SMARCA5: variants seen among roughly 807,000 people sequenced by gnomAD.
SMARCA5 encodes the protein SWI/SNF-related matrix-associated actin-dependent regulator of chromatin subfamily A member 5.
SMARCA5 carries 18 observed loss-of-function variants against 140.4 expected under a neutral mutation model. The ratio of observed to expected loss-of-function variants is 0.13; its 90% CI spans 0.09 to 0.19. The LOEUF (loss-of-function observed/expected upper bound fraction) is 0.19. Among genes scored for constraint, SMARCA5 ranks in the 10% least tolerant of loss-of-function variants. SMARCA5 has a pLI of 1.00. For missense variants in SMARCA5, 606 were observed against 1,276.8 expected (o/e 0.47, Z 8.01); for synonymous variants, 449 against 419.6 (o/e 1.07, Z -0.86).
Position 143,536,444 on chromosome 4 carries a change from T to C in SMARCA5, c.1269-8T>C. 1 of 1,594,188 alleles carries C rather than the reference T, an allele frequency of 6.3e-7. No individual in the cohort carries two copies. Among genetic ancestry groups the C allele is most frequent in the African/African-American group, 1.3e-5 (1 of 74,552 alleles). On this transcript the variant is annotated splice_region_variant and splice_polypyrimidine_tract_variant and intron_variant, in intron 10 of 23. Coordinates refer to ENST00000283131, the MANE Select transcript of SMARCA5 (RefSeq NM_003601.4). The stretch of plus-strand genomic sequence containing the variant: ...TGAGCTCTAAAAATGTTTTTCTTCT[T>C]TGAATAGGTATACTCGGATATTAAT...
At chr4:143,533,447 T>G (rs181637381) in intron 9 of SMARCA5, among the ~76,000 whole-genome samples, 97 of 152,112 alleles carry the variant, frequency 6.4e-4, no homozygotes, top group Middle Eastern at 3.5e-3. Context: ...AGTTAGTACA[T>G]TAAGTTTAAA....
rs977007280 is a variant in SMARCA5 at position 143,536,750 on chromosome 4, T to G, written c.1495+72T>G. ...ATGTTAAAACAAAGGAGCACTGTAC[T>G]TTGAAATGACTGCTCTGATGCTTTC... On this transcript the variant is annotated intron_variant, in intron 11 of 23. Transcript: ENST00000283131. 4 of 1,056,298 alleles carry G rather than the reference T, an allele frequency of 3.8e-6. No individual in the cohort carries two copies. In the African/African-American group the frequency reaches 6.3e-5, roughly 17 times the overall value. 65.4% of individuals were successfully genotyped at this position (1,056,298 alleles called of 1,614,324 possible). A position where few individuals can be genotyped will look rare whatever the true frequency, so the allele number is the denominator to read the frequency against.
intron 20 of SMARCA5, 134 bp from the exon 21 acceptor site, chr4:143,547,251 G>A: frequency 1.7e-6 from 1 of 586,472 alleles, no homozygotes; most frequent in East Asian, 2.9e-5. Context: ...ACATGTGAGG[G>A]TATGCTGTGG....
At chr4:143,547,160 T>C (rs1737541370) in intron 20 of SMARCA5, among the ~76,000 whole-genome samples, 1 of 152,158 alleles carries the variant, frequency 6.6e-6, no homozygotes, top group Admixed American at 6.5e-5. Context: ...ATAATTGCCC[T>C]TGCATTTTTA....
At chr4:143,547,004 C>G (rs1169398350) in intron 20 of SMARCA5, 96 bp downstream of exon 20, 3 of 1,194,994 alleles carry the variant, frequency 2.5e-6, no homozygotes, top group Non-Finnish European at 2.4e-6. Context: ...CTAATTTTGT[C>G]ACAGTGTAGT....
rs759962281 is a variant in SMARCA5, at chr4:143,514,022, A to G, written c.98A>G (p.Asn33Ser). 7 of 1,553,486 alleles carry G rather than the reference A, an allele frequency of 4.5e-6. No individual in the cohort carries two copies. Among genetic ancestry groups the G allele is most frequent in the Middle Eastern group, 3.3e-4 (2 of 6,020 alleles). ...SIASGGSNSS[N>S]KGGPEGVAAQ... ...GCCAGCGGCGGGAGCAACAGCAGCAACAAAGGCGGCCCCGAAGGCGTCGCG... is the reference window on the plus strand; with the variant it reads ...GCCAGCGGCGGGAGCAACAGCAGCAGCAAAGGCGGCCCCGAAGGCGTCGCG... Residue 33 changes from asparagine to serine, a missense_variant, in exon 1 of 24, where the codon AAC becomes AGC. Transcript: ENST00000283131.
At chr4:143,514,502 C>T (rs1736781641) in intron 1 of SMARCA5, 1 of 172,460 alleles carries the variant, frequency 5.8e-6, no homozygotes, top group Non-Finnish European at 1.2e-5. Context: ...GAGATGACCC[C>T]TTAGGAGCGG....
chr4:143,533,759 G>A (rs999807758), intron 9 of SMARCA5, among the ~76,000 whole-genome samples: 5 of 151,950 alleles, frequency 3.3e-5, no homozygotes, highest in African/African-American at 9.7e-5. Flanking sequence ...TGCCTGCCTC[G>A]GCCTCCCGAC....
chr4:143,516,768 A>G (rs908796133), intron 1 of SMARCA5, among the ~76,000 whole-genome samples: 5 of 152,138 alleles, frequency 3.3e-5, no homozygotes, highest in African/African-American at 1.2e-4. Flanking sequence ...TGCAGTGTAG[A>G]AGTTGTTTTT....
intron 5 of SMARCA5, among the ~76,000 whole-genome samples, chr4:143,526,050 A>T (rs1454575067): frequency 1.3e-5 from 2 of 152,240 alleles, no homozygotes; most frequent in Non-Finnish European, 2.9e-5. Context: ...TGACTTTGGG[A>T]ATGTCACTTA....
Position 143,546,763 on chromosome 4 carries a change from T to C in SMARCA5, c.2521-13T>C. 1 of 1,600,794 alleles carries C rather than the reference T, an allele frequency of 6.2e-7. No individual in the cohort carries two copies. Among genetic ancestry groups the C allele is most frequent in the Non-Finnish European group, 8.5e-7 (1 of 1,172,980 alleles). On this transcript the variant is annotated splice_polypyrimidine_tract_variant and intron_variant, in intron 19 of 23. Transcript: ENST00000283131. Reference sequence around the variant, plus strand: ...GTGCTGTGATTAAATATTTTGTTTCTGTTCCTGTGAAGGGATTTACCAATT... The same window carrying C: ...GTGCTGTGATTAAATATTTTGTTTCCGTTCCTGTGAAGGGATTTACCAATT...
intron 9 of SMARCA5, among the ~76,000 whole-genome samples, chr4:143,534,258 GA>G (rs535914613): frequency 2.0e-5 from 3 of 152,120 alleles, no homozygotes; most frequent in Admixed American, 2.0e-4. Context: ...GTCTGGAACT[GA>G]GCCTACAATA....
At position 143,538,763 on chromosome 4, in the gene SMARCA5, C is replaced by T. The variant is rs759140180; in HGVS notation, c.1618-23C>T. The T allele has an allele frequency of 2.5e-6, 4 of 1,613,012 alleles. No homozygotes were observed. In the East Asian group the frequency reaches 6.7e-5, roughly 27 times the overall value. The stretch of plus-strand genomic sequence containing the variant: ...AAAAAGAATCAGATAAATTTTTTGA[C>T]AACCATTTTGTTTTATCCATAGGAC... On this transcript the variant is annotated intron_variant, in intron 12 of 23. Coordinates refer to ENST00000283131, the MANE Select transcript of SMARCA5 (RefSeq NM_003601.4).
intron 16 of SMARCA5, 123 bp from the exon 17 acceptor site, chr4:143,544,614 C>T (rs1312243020): frequency 5.1e-6 from 3 of 590,448 alleles, no homozygotes; most frequent in Non-Finnish European, 9.1e-6. Flanking sequence ...TAGTCTCCAC[C>T]CTCATAGAGC....
intron 22 of SMARCA5, among the ~76,000 whole-genome samples, chr4:143,548,519 A>T (rs535435320): frequency 6.6e-6 from 1 of 152,142 alleles, no homozygotes; most frequent in South Asian, 2.1e-4. Flanking sequence ...AATCATCCAG[A>T]GTCTGGATTA....
At position 143,526,273 on chromosome 4, in the gene SMARCA5, T is replaced by C. The variant is rs753951748; in HGVS notation, c.622-8T>C. ...TCACTGCTTCATGGTTATTTTGAAATCTTTCAGGGCCTAGGAAAGACTCTT... is the reference window on the plus strand; with the variant it reads ...TCACTGCTTCATGGTTATTTTGAAACCTTTCAGGGCCTAGGAAAGACTCTT... On this transcript the variant is annotated splice_region_variant and splice_polypyrimidine_tract_variant and intron_variant, in intron 5 of 23. Transcript: ENST00000283131. 135 of 1,608,602 alleles carry C rather than the reference T, an allele frequency of 8.4e-5. No individual in the cohort carries two copies. Among genetic ancestry groups the C allele is most frequent in the Non-Finnish European group, 9.4e-5 (111 of 1,177,398 alleles).
intron 9 of SMARCA5, among the ~76,000 whole-genome samples, chr4:143,533,129 C>T (rs886113638): frequency 2.6e-5 from 4 of 152,174 alleles, no homozygotes; most frequent in African/African-American, 9.7e-5. Context: ...TGAACTACTA[C>T]TACATATAAC....
Position 143,528,630 on chromosome 4 carries a change from A to G in SMARCA5, c.1005A>G (p.Leu335=), listed in dbSNP as rs1453089264. Residue 335 remains leucine, a synonymous_variant, in exon 8 of 24, where the codon TTA becomes TTG. Transcript: ENST00000283131. The part of the protein sequence containing the change: ...REFKTTNRLL[L]TGTPLQNNLH... ...TCAAGACTACAAATAGACTATTATT[A>G]ACTGGAACACCTCTTCAGAACAACT... 7.4e-6 allele frequency: 12 copies of G among 1,613,102 alleles called. No homozygotes were observed. The highest frequency in any genetic ancestry group is 1.0e-5 in the Non-Finnish European group (12 of 1,179,350).
At position 143,548,205 on chromosome 4, in the gene SMARCA5, C is replaced by A. The variant is rs1019169185; in HGVS notation, c.2985+65C>A. 56 of 940,994 alleles carry A rather than the reference C, an allele frequency of 6.0e-5. No individual in the cohort carries two copies. In the Admixed American group the frequency reaches 6.1e-4, roughly 10 times the overall value. 58.3% of individuals were successfully genotyped at this position (940,994 alleles called of 1,614,324 possible). ...CAGAGTAAGTGTCATCTTTGGTATTCTTTAAGGTGACTTTAAAAAAATCTA... is the reference window on the plus strand; with the variant it reads ...CAGAGTAAGTGTCATCTTTGGTATTATTTAAGGTGACTTTAAAAAAATCTA... On this transcript the variant is annotated intron_variant, in intron 22 of 23. Coordinates refer to ENST00000283131, the MANE Select transcript of SMARCA5 (RefSeq NM_003601.4).
Sources: gnomAD v4.1 joint callset for allele counts (sites outside exome capture counted in the v4.1 genomes callset) on GRCh38, gnomAD v4.1.1 for gene constraint, MANE v1.5 for transcripts, NCBI Gene and HGNC (gene_info 2026-07-23, HGNC 2026-07-21) for gene names.